Variants in CACNB2 observed in about 807,000 individuals in gnomAD.
The protein encoded by CACNB2 is calcium voltage-gated channel auxiliary subunit beta 2.
A neutral mutation model predicts 73.3 loss-of-function variants in CACNB2; 42 were observed. That is an observed-to-expected ratio of 0.57 (90% CI 0.45 to 0.74). The LOEUF (loss-of-function observed/expected upper bound fraction) is 0.74. Ranked by LOEUF, CACNB2 falls within the 30% of genes least tolerant of loss-of-function variation. The pLI is 0.00. For synonymous variants in CACNB2, 348 were observed against 310.3 expected, an observed-to-expected ratio of 1.12 and a Z score of -1.28; for missense variants, 940 against 853.0, an observed-to-expected ratio of 1.10 and a Z score of -1.27.
At position 18,536,243 on chromosome 10, in the gene CACNB2, C is replaced by CTTTTTTT. The variant is rs904187820; in HGVS notation, c.1302+71_1302+77dup. On this transcript the variant is annotated intron_variant, in intron 12 of 13. Coordinates refer to ENST00000324631, the MANE Select transcript of CACNB2 (RefSeq NM_201596.3). Reference sequence around the variant, plus strand: ...CATAATCCAGTTACAGAGATCAGACCTTTTTTTTTTTTTTTTTTTTTTTTT... The same window carrying CTTTTTTT: ...CATAATCCAGTTACAGAGATCAGACCTTTTTTTTTTTTTTTTTTTTTTTTTTTTTTTT... 3.7e-4 allele frequency: 106 copies of CTTTTTTT among 283,094 alleles called. 5 individuals are homozygous for CTTTTTTT. Among genetic ancestry groups the CTTTTTTT allele is most frequent in the African/African-American group, 3.4e-3 (52 of 15,386 alleles). 17.5% of individuals were successfully genotyped at this position (283,094 alleles called of 1,614,324 possible).
At chr10:18,392,208 G>C (rs916611637) in intron 2 of CACNB2, among the ~76,000 whole-genome samples, 4 of 151,984 alleles carry the variant, frequency 2.6e-5, no homozygotes, top group African/African-American at 9.7e-5. Context: ...GCAGGGAGAG[G>C]GTGTAGAGAT....
intron 2 of CACNB2, among the ~76,000 whole-genome samples, chr10:18,346,616 G>A (rs374952770): frequency 4.5e-4 from 68 of 150,436 alleles, no homozygotes; most frequent in African/African-American, 1.6e-3. Flanking sequence ...AGCTCGGGGG[G>A]CACAGGGTCT....
At chr10:18,317,123 C>G (rs1054201928) in intron 2 of CACNB2, among the ~76,000 whole-genome samples, 4 of 151,982 alleles carry the variant, frequency 2.6e-5, no homozygotes, top group African/African-American at 7.2e-5. Context: ...GCCCCCCACA[C>G]AGAAAACCTA....
At chr10:18,423,820 G>A (rs140366036) in intron 3 of CACNB2, among the ~76,000 whole-genome samples, 1,759 of 152,202 alleles carry the variant, frequency 0.012, 38 homozygotes, top group African/African-American at 0.041. Context: ...AAAATGCAAT[G>A]ACATGACCTC....
At chr10:18,351,150 CT>C (rs5783596) in intron 2 of CACNB2, among the ~76,000 whole-genome samples, 89,471 of 142,302 alleles carry the variant, frequency 0.63, 27,628 homozygotes, top group South Asian at 0.67. Flanking sequence ...CCTTTCTTTT[CT>C]TTTTTTTTTT....
At chr10:18,332,981 G>C (rs779310367) in intron 2 of CACNB2, among the ~76,000 whole-genome samples, 15 of 152,064 alleles carry the variant, frequency 9.9e-5, no homozygotes, top group Non-Finnish European at 1.6e-4. Context: ...CAGATCTATG[G>C]GGTTGGGGAG....
At position 18,515,165 on chromosome 10, in the gene CACNB2, T is replaced by C. The variant is rs7088091; in HGVS notation, c.804+796T>C. On this transcript the variant is annotated intron_variant, in intron 7 of 13. Transcript: ENST00000324631. ...GTGGTCATGCGTAGAGCCTTTGCCATTGGCCATCCAAGATGCTACACAGCG... is the reference window on the plus strand; with the variant it reads ...GTGGTCATGCGTAGAGCCTTTGCCACTGGCCATCCAAGATGCTACACAGCG... 287,617 of 775,126 alleles carry C rather than the reference T, an allele frequency of 0.37. 56,267 individuals carry two copies. The highest frequency in any genetic ancestry group is 0.68 in the East Asian group (25,070 of 36,844). 48.0% of individuals were successfully genotyped at this position (775,126 alleles called of 1,614,324 possible).
intron 9 of CACNB2, chr10:18,519,981 A>T: frequency 3.1e-6 from 1 of 321,314 alleles, no homozygotes; most frequent in South Asian, 2.6e-5. Context: ...CTTCTATCAC[A>T]CTGACTGCTC....
intron 2 of CACNB2, among the ~76,000 whole-genome samples, chr10:18,358,459 C>T (rs572100150): frequency 2.2e-4 from 33 of 148,504 alleles, no homozygotes; most frequent in African/African-American, 7.0e-4. Flanking sequence ...CCTAGGAATA[C>T]AGCAATGAAT....
At chr10:18,181,530 G>A (rs998736290) in intron 2 of CACNB2, among the ~76,000 whole-genome samples, 6 of 148,836 alleles carry the variant, frequency 4.0e-5, no homozygotes, top group East Asian at 2.0e-4. Context: ...AAAAATGGCC[G>A]GTAGTCAGAG....
At chr10:18,315,352 CAAAACA>C (rs2040125362) in intron 2 of CACNB2, among the ~76,000 whole-genome samples, 1 of 149,594 alleles carries the variant, frequency 6.7e-6, no homozygotes, top group African/African-American at 2.5e-5. Context: ...CAAAACAAAA[CAAAACA>C]AAACAAAAAC....
chr10:18,302,407 A>G (rs1226562668), intron 2 of CACNB2, among the ~76,000 whole-genome samples: 1 of 152,246 alleles, frequency 6.6e-6, no homozygotes, highest in East Asian at 1.9e-4. Flanking sequence ...GCACGTTTAT[A>G]GCAGCAGAAT....
At chr10:18,173,979 G>A (rs146803504) in intron 2 of CACNB2, among the ~76,000 whole-genome samples, 20 of 152,170 alleles carry the variant, frequency 1.3e-4, no homozygotes, top group African/African-American at 4.3e-4. Context: ...TACTTTATTG[G>A]TACAACTCTA....
chr10:18,523,410 T>C (rs575032511), intron 9 of CACNB2, among the ~76,000 whole-genome samples: 6 of 152,312 alleles, frequency 3.9e-5, no homozygotes, highest in Admixed American at 3.3e-4. Flanking sequence ...TTTGGACCCA[T>C]GTTCGAGTGT....
Position 18,274,191 on chromosome 10 carries a change from C to T in CACNB2, c.213+123216C>T, listed in dbSNP as rs574482770. Among the ~76,000 whole-genome samples the T allele has an allele frequency of 4.6e-5, 7 of 150,920 alleles. No individual in the cohort carries two copies. The South Asian group carries it at 6.4e-4, about 14-fold the overall frequency. ...TTAATTCGGGTGAAATAAATCAACC[C>T]GACTACTTATTTTGATGAAAATAAA... On this transcript the variant is annotated intron_variant, in intron 2 of 13. Transcript: ENST00000324631.
intron 2 of CACNB2, among the ~76,000 whole-genome samples, chr10:18,290,978 C>T (rs1020271780): frequency 6.6e-6 from 1 of 152,244 alleles, no homozygotes; most frequent in African/African-American, 2.4e-5. Context: ...ATTTGGTCCC[C>T]TTTGGGGCTT....
intron 2 of CACNB2, among the ~76,000 whole-genome samples, chr10:18,222,809 C>T (rs982113626): frequency 6.6e-6 from 1 of 152,026 alleles, no homozygotes; most frequent in Non-Finnish European, 1.5e-5. Context: ...TGGTGGTGGA[C>T]GCCTGTAATC....
chr10:18,148,288 A>T (rs907824119), intron 1 of CACNB2, among the ~76,000 whole-genome samples: 8 of 152,184 alleles, frequency 5.3e-5, no homozygotes, highest in Non-Finnish European at 1.5e-5. Context: ...GTAATTGAAG[A>T]ACAATTTTTT....
At chr10:18,238,330 C>A (rs1390157147) in intron 2 of CACNB2, 1 of 152,164 alleles carries the variant, frequency 6.6e-6, no homozygotes, top group Non-Finnish European at 1.5e-5. Context: ...AGCAAGTATT[C>A]CAAGGTTGCC....
Sources: allele counts gnomAD v4.1 joint callset (sites outside exome capture counted in the v4.1 genomes callset), GRCh38; gene constraint gnomAD v4.1.1; transcripts MANE v1.5; gene names NCBI Gene and HGNC (gene_info 2026-07-23, HGNC 2026-07-21).